CSMD1: variants seen among roughly 807,000 people sequenced by gnomAD.
CSMD1 encodes the protein CUB and Sushi multiple domains 1, also known as CUB and sushi domain-containing protein 1.
Under a neutral mutation model 417.5 loss-of-function variants are expected in CSMD1, and 213 were observed. The ratio of observed to expected loss-of-function variants is 0.51; its 90% CI spans 0.46 to 0.57. CSMD1 has a LOEUF of 0.57. Ranked by LOEUF, CSMD1 falls within the 20% of genes least tolerant of loss-of-function variation. CSMD1 has a pLI of 0.00. For synonymous variants in CSMD1, 2,862 were observed against 1,736.8 expected (o/e 1.65, Z -16.11); for missense variants, 6,923 against 4,529.7 (o/e 1.53, Z -15.17).
chr8:4,909,504 A>G lies in CSMD1; in HGVS notation c.85+84828T>C, dbSNP rs189295243. ...CCTTCTAGCAGAGATTTTTCCCTAA[A>G]GAGAAAGCCTTCCTGATGTAGAAGG... On this transcript the variant is annotated intron_variant, in intron 1 of 69. Transcript: ENST00000635120. Among the ~76,000 whole-genome samples, 45 of 152,300 alleles carry G rather than the reference A, an allele frequency of 3.0e-4. No homozygotes were observed. The East Asian group carries it at 7.7e-3, about 26-fold the overall frequency.
chr8:3,232,627 C>T (rs925689655), intron 26 of CSMD1, among the ~76,000 whole-genome samples: 7 of 152,138 alleles, frequency 4.6e-5, no homozygotes. Flanking sequence ...TTCCAAACAG[C>T]ATGCAGTTAG....
intron 1 of CSMD1, among the ~76,000 whole-genome samples, chr8:4,638,869 G>C (rs1433567543): frequency 6.6e-6 from 1 of 152,182 alleles, no homozygotes; most frequent in Non-Finnish European, 1.5e-5. Flanking sequence ...TTCTGCCTCT[G>C]CCTCTGAAGA....
At position 4,047,492 on chromosome 8, in the gene CSMD1, A is replaced by C. The variant is rs3849821; in HGVS notation, c.416-15393T>G. 8.4e-3 allele frequency among the ~76,000 whole-genome samples: 1,271 copies of C among 152,012 alleles called. 20 individuals are homozygous for C. Among genetic ancestry groups the C allele is most frequent in the African/African-American group, 0.022 (901 of 41,458 alleles). ...CTAACTCAGATTAGTGGTAGCGTAA[A>C]TGCAGGGAAGGCAACATTGTGATAT... On this transcript the variant is annotated intron_variant, in intron 3 of 69. Transcript: ENST00000635120.
chr8:4,982,546 T>C (rs913708801), intron 1 of CSMD1, among the ~76,000 whole-genome samples: 1 of 152,230 alleles, frequency 6.6e-6, no homozygotes, highest in South Asian at 2.1e-4. Flanking sequence ...CTACAGTAAA[T>C]GACACCACAT....
intron 10 of CSMD1, among the ~76,000 whole-genome samples, chr8:3,523,774 T>C (rs373094053): frequency 6.0e-5 from 7 of 117,408 alleles, no homozygotes; most frequent in South Asian, 2.8e-4. Flanking sequence ...TGCACACACA[T>C]GCACACCCAG....
intron 3 of CSMD1, among the ~76,000 whole-genome samples, chr8:4,209,771 T>A (rs760284568): frequency 6.6e-6 from 1 of 152,196 alleles, no homozygotes; most frequent in African/African-American, 2.4e-5. Context: ...CCATAGGCCA[T>A]GTGCCCAGAG....
chr8:4,329,687 G>A (rs1008402447), intron 3 of CSMD1, among the ~76,000 whole-genome samples: 1 of 152,134 alleles, frequency 6.6e-6, no homozygotes, highest in Non-Finnish European at 1.5e-5. Flanking sequence ...ATGTTGAGAT[G>A]TGATACCCAG....
At chr8:3,004,526 G>C (rs559166194) in intron 52 of CSMD1, among the ~76,000 whole-genome samples, 4 of 152,144 alleles carry the variant, frequency 2.6e-5, no homozygotes, top group Admixed American at 6.5e-5. Context: ...TGAAGAATTA[G>C]GAAAGAATGC....
intron 12 of CSMD1, among the ~76,000 whole-genome samples, chr8:3,466,840 GT>G (rs1439318723): frequency 6.6e-6 from 1 of 152,006 alleles, no homozygotes; most frequent in African/African-American, 2.4e-5. Context: ...GTCTTCAACT[GT>G]TAGCTTAATA....
At chr8:4,843,431 G>C (rs1016133504) in intron 1 of CSMD1, among the ~76,000 whole-genome samples, 1 of 140,706 alleles carries the variant, frequency 7.1e-6, no homozygotes, top group South Asian at 2.2e-4. Flanking sequence ...CATTTGGAGA[G>C]ATTACAACAA....
chr8:4,051,707 A>G (rs1287488740), intron 3 of CSMD1, among the ~76,000 whole-genome samples: 1 of 152,118 alleles, frequency 6.6e-6, no homozygotes, highest in Non-Finnish European at 1.5e-5. Flanking sequence ...CCAAAAATCA[A>G]CAGAGAAGGC....
chr8:3,469,105 G>A lies in CSMD1; in HGVS notation c.1449-281C>T, dbSNP rs146427306. 4.1e-3 allele frequency: 1,145 copies of A among 279,572 alleles called. 14 individuals carry two copies. The highest frequency in any genetic ancestry group is 0.023 in the African/African-American group (1,055 of 45,182). 17.3% of individuals were successfully genotyped at this position (279,572 alleles called of 1,614,324 possible). On this transcript the variant is annotated intron_variant, in intron 11 of 69. Transcript: ENST00000635120. ...TCAACCATCCCATTTTCCTGGAACC[G>A]AGAGGCTTCCCCAGGTGCAGGAATT...
At chr8:3,942,397 G>C (rs1810942972) in intron 5 of CSMD1, among the ~76,000 whole-genome samples, 1 of 152,088 alleles carries the variant, frequency 6.6e-6, no homozygotes, top group Non-Finnish European at 1.5e-5. Context: ...TTTTCTCAAA[G>C]TGACACTGCT....
rs369030090 is a variant in CSMD1, at chr8:2,954,375, T to C, written c.9995-107A>G. On this transcript the variant is annotated intron_variant, in intron 64 of 69. Coordinates refer to ENST00000635120, the MANE Select transcript of CSMD1 (RefSeq NM_033225.6). ...TTTTCCTTTCTCCAGATTTTTTTAA[T>C]GTACAAAATATGAATACCTTATACA... is the stretch of plus-strand genomic sequence containing the variant. 115 of 638,182 alleles carry C rather than the reference T, an allele frequency of 1.8e-4. 1 individual carries two copies. The African/African-American group carries it at 2.0e-3, about 11-fold the overall frequency. 39.5% of individuals were successfully genotyped at this position (638,182 alleles called of 1,614,324 possible).
At chr8:4,964,456 C>T (rs1160562725) in intron 1 of CSMD1, among the ~76,000 whole-genome samples, 3 of 126,312 alleles carry the variant, frequency 2.4e-5, no homozygotes, top group African/African-American at 6.2e-5. Context: ...GAGGTCGAGG[C>T]TGCAGTGAAA....
intron 11 of CSMD1, chr8:3,469,345 A>G (rs1816955774): frequency 6.6e-6 from 1 of 152,280 alleles, no homozygotes; most frequent in African/African-American, 2.4e-5. Flanking sequence ...TTTAAAATAT[A>G]TTATAGGTAA....
chr8:3,676,300 G>C (rs1455689964), intron 7 of CSMD1, among the ~76,000 whole-genome samples: 1 of 152,140 alleles, frequency 6.6e-6, no homozygotes, highest in East Asian at 1.9e-4. Context: ...CCTGGGGCAA[G>C]TTCCTAAGCT....
chr8:4,761,517 T>C (rs923445682), intron 1 of CSMD1, among the ~76,000 whole-genome samples: 3 of 152,130 alleles, frequency 2.0e-5, no homozygotes, highest in African/African-American at 7.2e-5. Flanking sequence ...AGTTTCATCA[T>C]AAATTGTATA....
At chr8:4,648,112 C>A (rs1371020877) in intron 1 of CSMD1, among the ~76,000 whole-genome samples, 1 of 152,204 alleles carries the variant, frequency 6.6e-6, no homozygotes, top group Non-Finnish European at 1.5e-5. Flanking sequence ...GCCATTCTGA[C>A]TGGCATGAGA....
Sources: allele counts gnomAD v4.1 joint callset (sites outside exome capture counted in the v4.1 genomes callset), GRCh38; gene constraint gnomAD v4.1.1; transcripts MANE v1.5; gene names NCBI Gene and HGNC (gene_info 2026-07-23, HGNC 2026-07-21).